The following RERG variants were observed in gnomAD, a reference collection of about 807,000 sequenced individuals.
The protein encoded by RERG is ras-related and estrogen-regulated growth inhibitor.
In RERG, 25 loss-of-function variants were observed where a neutral mutation model predicts 23.2. The observed-to-expected ratio is 1.08, with a 90% CI of 0.79 to 1.50. The LOEUF (loss-of-function observed/expected upper bound fraction) is 1.50, where lower values mean the gene tolerates loss of function less well. Ranked by LOEUF, RERG falls within the 40% of genes most tolerant of loss-of-function variation. The pLI is 0.00. For missense variants in RERG, 253 were observed against 250.1 expected (o/e 1.01, Z -0.08); for synonymous variants, 81 against 89.1 (o/e 0.91, Z 0.51).
chr12:15,169,709 C>T (rs1864749832), intron 2 of RERG, among the ~76,000 whole-genome samples: 1 of 152,154 alleles, frequency 6.6e-6, no homozygotes, highest in Admixed American at 6.5e-5. Flanking sequence ...AACCCTAATA[C>T]AAAGGATTCC....
intron 2 of RERG, 33 bp from the exon 3 acceptor site, chr12:15,121,152 A>G (rs778023621): frequency 6.4e-7 from 1 of 1,554,990 alleles, no homozygotes; most frequent in Non-Finnish European, 8.9e-7. Context: ...TTCAAAAAAT[A>G]ATTTGTTAAT....
chr12:15,208,007 G>A (rs928107578), intron 2 of RERG, among the ~76,000 whole-genome samples: 4 of 152,230 alleles, frequency 2.6e-5, no homozygotes, highest in East Asian at 3.9e-4. Flanking sequence ...GGGTTTTGTC[G>A]ATGTAGTTAA....
chr12:15,160,483 T>A (rs1272100905), intron 2 of RERG, among the ~76,000 whole-genome samples: 1 of 152,164 alleles, frequency 6.6e-6, no homozygotes, highest in Non-Finnish European at 1.5e-5. Flanking sequence ...CCGCAAAAGG[T>A]ATGCAGAATT....
chr12:15,216,494 T>C (rs1865442442), intron 2 of RERG, among the ~76,000 whole-genome samples: 1 of 152,212 alleles, frequency 6.6e-6, no homozygotes, highest in Non-Finnish European at 1.5e-5. Flanking sequence ...TTGTCTAAGA[T>C]TTTGTGGATT....
intron 2 of RERG, among the ~76,000 whole-genome samples, chr12:15,216,795 T>A (rs1322443700): frequency 6.6e-6 from 1 of 152,224 alleles, no homozygotes; most frequent in Non-Finnish European, 1.5e-5. Flanking sequence ...ACCCTTAATC[T>A]TAAAGGTCTG....
rs112420428 is a variant in RERG, at chr12:15,145,715, C to T, written c.62-24596G>A. On this transcript the variant is annotated intron_variant, in intron 2 of 4. Transcript: ENST00000256953. Reference sequence around the variant, plus strand: ...CAGTGCTAGGCGTAAGCCCTTGTATCTTAGATTTCACACCAGGGAGTAAAG... The same window carrying T: ...CAGTGCTAGGCGTAAGCCCTTGTATTTTAGATTTCACACCAGGGAGTAAAG... Among the ~76,000 whole-genome samples, 7 of 152,344 alleles carry T rather than the reference C, an allele frequency of 4.6e-5. 1 individual carries two copies. Among genetic ancestry groups the T allele is most frequent in the African/African-American group, 1.7e-4 (7 of 41,576 alleles).
At chr12:15,193,720 G>A (rs1442354395) in intron 2 of RERG, among the ~76,000 whole-genome samples, 2 of 152,180 alleles carry the variant, frequency 1.3e-5, no homozygotes, top group African/African-American at 2.4e-5. Context: ...TGTACTTAGA[G>A]CTGGAAGATA....
At chr12:15,174,123 T>A (rs1413197024) in intron 2 of RERG, among the ~76,000 whole-genome samples, 1 of 152,096 alleles carries the variant, frequency 6.6e-6, no homozygotes, top group Non-Finnish European at 1.5e-5. Flanking sequence ...ACAAATTCTC[T>A]CAGTTTCTGT....
chr12:15,194,597 T>C (rs1865117725), intron 2 of RERG, among the ~76,000 whole-genome samples: 1 of 152,092 alleles, frequency 6.6e-6, no homozygotes, highest in African/African-American at 2.4e-5. Flanking sequence ...TCATACACTG[T>C]ATATAGAGCC....
intron 2 of RERG, among the ~76,000 whole-genome samples, chr12:15,193,793 A>G (rs1158693110): frequency 6.6e-6 from 1 of 152,154 alleles, no homozygotes; most frequent in Non-Finnish European, 1.5e-5. Context: ...TGTAAGTAAG[A>G]GAAAGTACAA....
At chr12:15,173,572 C>T (rs749611815) in intron 2 of RERG, among the ~76,000 whole-genome samples, 6 of 151,944 alleles carry the variant, frequency 3.9e-5, no homozygotes, top group Non-Finnish European at 8.8e-5. Context: ...ATACTCCCAT[C>T]TTGTCATCTT....
At chr12:15,194,887 A>G (rs1865121400) in intron 2 of RERG, among the ~76,000 whole-genome samples, 16 of 152,086 alleles carry the variant, frequency 1.1e-4, no homozygotes. Flanking sequence ...CTATCTCTAT[A>G]AGACCAATTT....
intron 2 of RERG, among the ~76,000 whole-genome samples, chr12:15,177,084 T>C (rs1441886473): frequency 2.0e-5 from 3 of 152,270 alleles, no homozygotes; most frequent in Admixed American, 2.0e-4. Context: ...ATATGCAGTA[T>C]GCATAATCCT....
At chr12:15,147,067 CA>C (rs544852513) in intron 2 of RERG, among the ~76,000 whole-genome samples, 8,427 of 105,454 alleles carry the variant, frequency 0.08, 605 homozygotes, top group African/African-American at 0.21. Context: ...TCAGTGAAGC[CA>C]AAAAAAAAAA....
intron 2 of RERG, among the ~76,000 whole-genome samples, chr12:15,215,176 A>G (rs1218593861): frequency 1.3e-5 from 2 of 152,256 alleles, no homozygotes; most frequent in South Asian, 2.1e-4. Flanking sequence ...AAAGAAACTT[A>G]GTGAGCAATT....
At chr12:15,211,290 C>T (rs1402413190) in intron 2 of RERG, among the ~76,000 whole-genome samples, 2 of 103,080 alleles carry the variant, frequency 1.9e-5, no homozygotes, top group African/African-American at 6.2e-5. Flanking sequence ...TTTATACACA[C>T]ACACACACAC....
At chr12:15,143,694 A>G (rs998426028) in intron 2 of RERG, among the ~76,000 whole-genome samples, 16 of 152,190 alleles carry the variant, frequency 1.1e-4, no homozygotes, top group African/African-American at 3.4e-4. Flanking sequence ...AGATTTTAGT[A>G]CAGGCAAACA....
chr12:15,112,982 A>G lies in RERG; in HGVS notation c.119-1565T>C, dbSNP rs114299361. 6.2e-3 allele frequency among the ~76,000 whole-genome samples: 938 copies of G among 152,380 alleles called. 7 individuals are homozygous for G. Among genetic ancestry groups the G allele is most frequent in the African/African-American group, 0.022 (895 of 41,600 alleles). Reference sequence around the variant, plus strand: ...GAAGAAGTCTAAAGGGATTTAGAGAATAAAGCACATCACCTACAAAAAGAT... The same window carrying G: ...GAAGAAGTCTAAAGGGATTTAGAGAGTAAAGCACATCACCTACAAAAAGAT... On this transcript the variant is annotated intron_variant, in intron 3 of 4. Transcript: ENST00000256953.
rs1863613310 is a variant in RERG, at chr12:15,111,386, A to C, written c.150T>G (p.Asp50Glu). The change falls in exon 4 of 5, where the codon GAT (aspartate) becomes GAG (glutamate). Residue 50 changes from aspartate (D) to glutamate (E), a missense_variant. Coordinates refer to ENST00000256953, the MANE Select transcript of RERG (RefSeq NM_032918.3). ...GTATCTCCATGGAAACAACTTCATCATCGATGGTTGCTTGGTGTCGGTAGG... is the reference window on the plus strand; with the variant it reads ...GTATCTCCATGGAAACAACTTCATCCTCGATGGTTGCTTGGTGTCGGTAGG... Reference protein sequence around the residue: ...ESTYRHQATIDDEVVSMEILD... With the variant: ...ESTYRHQATIEDEVVSMEILD... 3.7e-6 allele frequency: 6 copies of C among 1,613,576 alleles called. No individual in the cohort carries two copies. Among genetic ancestry groups the C allele is most frequent in the Non-Finnish European group, 4.2e-6 (5 of 1,179,656 alleles).
Sources: allele counts gnomAD v4.1 joint callset (sites outside exome capture counted in the v4.1 genomes callset), GRCh38; gene constraint gnomAD v4.1.1; transcripts MANE v1.5; gene names NCBI Gene and HGNC (gene_info 2026-07-23, HGNC 2026-07-21).